PRKCE: variants seen among roughly 807,000 people sequenced by gnomAD.
The protein encoded by PRKCE is protein kinase C epsilon.
A neutral mutation model predicts 85.4 loss-of-function variants in PRKCE; 16 were observed. The ratio of observed to expected loss-of-function variants is 0.19; its 90% CI spans 0.13 to 0.28. The LOEUF (loss-of-function observed/expected upper bound fraction) is 0.28, where lower values mean the gene tolerates loss of function less well. Among genes scored for constraint, PRKCE ranks in the 10% least tolerant of loss-of-function variants. The pLI is 1.00. For missense variants in PRKCE, 573 were observed against 975.2 expected, an observed-to-expected ratio of 0.59 and a Z score of 5.49; for synonymous variants, 388 against 371.5, an observed-to-expected ratio of 1.04 and a Z score of -0.51.
At chr2:46,010,566 A>G in intron 10 of PRKCE, 49 bp downstream of exon 10, 1 of 1,597,788 alleles carries the variant, frequency 6.3e-7, no homozygotes, top group South Asian at 1.1e-5. Flanking sequence ...CATCTTGACT[A>G]TCAGATAAAA....
intron 2 of PRKCE, among the ~76,000 whole-genome samples, chr2:45,879,711 G>T (rs1039914360): frequency 6.6e-6 from 1 of 152,212 alleles, no homozygotes; most frequent in East Asian, 1.9e-4. Context: ...TGTGGGCTGA[G>T]TAAGGGAGGC....
intron 14 of PRKCE, among the ~76,000 whole-genome samples, chr2:46,183,596 T>G (rs945026150): frequency 3.9e-5 from 6 of 152,308 alleles, no homozygotes; most frequent in South Asian, 2.1e-4. Context: ...GCCATTGGAC[T>G]CCAGCCCTAA....
chr2:46,104,152 G>A (rs1290795312), intron 11 of PRKCE, among the ~76,000 whole-genome samples: 1 of 152,158 alleles, frequency 6.6e-6, no homozygotes, highest in Non-Finnish European at 1.5e-5. Flanking sequence ...TGGCACTGCT[G>A]CTCTACTTCT....
intron 6 of PRKCE, among the ~76,000 whole-genome samples, chr2:45,994,348 T>C (rs1490022095): frequency 1.3e-5 from 2 of 152,206 alleles, no homozygotes; most frequent in Non-Finnish European, 1.5e-5. Context: ...TACATTTCCA[T>C]GATTTTGGAC....
chr2:45,683,415 T>C (rs1677057083), intron 1 of PRKCE, among the ~76,000 whole-genome samples: 1 of 152,224 alleles, frequency 6.6e-6, no homozygotes, highest in Non-Finnish European at 1.5e-5. Flanking sequence ...AGGCCCAGTC[T>C]CCTTGGCAGG....
chr2:45,680,929 T>G (rs991363567), intron 1 of PRKCE, among the ~76,000 whole-genome samples: 2 of 152,232 alleles, frequency 1.3e-5, no homozygotes, highest in Non-Finnish European at 2.9e-5. Context: ...CCAGACCCTG[T>G]GTTAGAGGTT....
chr2:45,949,066 C>G (rs750068097), intron 2 of PRKCE, among the ~76,000 whole-genome samples: 1 of 152,186 alleles, frequency 6.6e-6, no homozygotes, highest in African/African-American at 2.4e-5. Context: ...TAGTGAACAT[C>G]GTTGCATGTG....
chr2:45,875,480 C>A (rs1694404980), intron 2 of PRKCE, among the ~76,000 whole-genome samples: 1 of 152,182 alleles, frequency 6.6e-6, no homozygotes. Flanking sequence ...GAACAGGGGT[C>A]TGGAGGCTTT....
At chr2:45,808,505 C>T (rs1278930263) in intron 1 of PRKCE, among the ~76,000 whole-genome samples, 7 of 152,180 alleles carry the variant, frequency 4.6e-5, no homozygotes, top group Non-Finnish European at 1.5e-5. Flanking sequence ...AATTATCACT[C>T]CTCCCTGGCT....
chr2:45,743,596 C>A (rs1450683614), intron 1 of PRKCE, among the ~76,000 whole-genome samples: 1 of 152,190 alleles, frequency 6.6e-6, no homozygotes, highest in East Asian at 1.9e-4. Flanking sequence ...ACTGAGCCAA[C>A]TCTGGTTTAT....
intron 2 of PRKCE, among the ~76,000 whole-genome samples, chr2:45,933,326 C>T (rs1030069817): frequency 6.6e-6 from 1 of 152,132 alleles, no homozygotes; most frequent in Non-Finnish European, 1.5e-5. Flanking sequence ...AGGAATGTAT[C>T]AATTTATCAG....
chr2:45,676,721 G>A (rs1676471515), intron 1 of PRKCE: 1 of 152,282 alleles, frequency 6.6e-6, no homozygotes, highest in African/African-American at 2.4e-5. Context: ...AGGCCATGCA[G>A]GCCCATCCTT....
rs543924258 is a variant in PRKCE at position 45,683,327 on chromosome 2, C to T, written c.348+30879C>T. Among the ~76,000 whole-genome samples, 3 of 152,260 alleles carry T rather than the reference C, an allele frequency of 2.0e-5. No individual in the cohort carries two copies. The South Asian group carries it at 6.2e-4, about 32-fold the overall frequency. ...CCATAGACTGTGACAATTTTTTCCC[C>T]TCAAGCAGTCAGCCAAGTGGCATTA... On this transcript the variant is annotated intron_variant, in intron 1 of 14. Transcript: ENST00000306156.
rs563391246 is a variant in PRKCE at position 45,897,169 on chromosome 2, A to T, written c.412+54106A>T. On this transcript the variant is annotated intron_variant, in intron 2 of 14. Transcript: ENST00000306156. ...CTAAAACTGTATTACACACATACTC[A>T]AATTATCTAGAAAACTTCACTCTTT... is the stretch of plus-strand genomic sequence containing the variant. 5.9e-5 allele frequency among the ~76,000 whole-genome samples: 9 copies of T among 152,364 alleles called. No homozygotes were observed. The South Asian group carries it at 1.9e-3, about 32-fold the overall frequency.
chr2:45,660,828 A>C (rs1675602631), intron 1 of PRKCE, among the ~76,000 whole-genome samples: 1 of 152,238 alleles, frequency 6.6e-6, no homozygotes, highest in African/African-American at 2.4e-5. Flanking sequence ...TTCTGTCAGA[A>C]ACCATGTGAA....
intron 1 of PRKCE, among the ~76,000 whole-genome samples, chr2:45,672,155 A>C (rs1468990750): frequency 6.6e-6 from 1 of 151,922 alleles, no homozygotes; most frequent in Non-Finnish European, 1.5e-5. Context: ...CTAGTAAGGT[A>C]CTTACATTGC....
intron 2 of PRKCE, among the ~76,000 whole-genome samples, chr2:45,929,283 G>A (rs1698858467): frequency 6.6e-6 from 1 of 152,182 alleles, no homozygotes. Flanking sequence ...ATGGAAAAGG[G>A]AAAAATGAGT....
chr2:46,128,732 G>T (rs1419859257), intron 11 of PRKCE, among the ~76,000 whole-genome samples: 1 of 152,154 alleles, frequency 6.6e-6, no homozygotes, highest in African/African-American at 2.4e-5. Context: ...TTAAAAATAA[G>T]GTTGATAAGC....
chr2:46,085,742 TTTTTTTGTTTTTG>T (rs1164066704), intron 10 of PRKCE, among the ~76,000 whole-genome samples: 10 of 17,324 alleles, frequency 5.8e-4, no homozygotes, highest in African/African-American at 1.0e-3. Context: ...ATCCGTTTTT[TTTTTTTGTTTTTG>T]TTTTTTTTTT....
Sources: allele counts gnomAD v4.1 joint callset (sites outside exome capture counted in the v4.1 genomes callset), GRCh38; gene constraint gnomAD v4.1.1; transcripts MANE v1.5; gene names NCBI Gene and HGNC (gene_info 2026-07-23, HGNC 2026-07-21).